HIVEP1: variants seen among roughly 807,000 people sequenced by gnomAD.
The protein encoded by HIVEP1 is zinc finger protein 40.
A neutral mutation model predicts 180.0 loss-of-function variants in HIVEP1; 36 were observed. The ratio of observed to expected loss-of-function variants is 0.20; its 90% CI spans 0.15 to 0.26. The LOEUF is 0.26. HIVEP1 is among the 10% of genes least tolerant of loss of function. The pLI, the probability that HIVEP1 is intolerant of heterozygous loss-of-function variation, is 1.00. For synonymous variants in HIVEP1, 1,239 were observed against 1,239.0 expected (o/e 1.00, Z 0.00); for missense variants, 3,143 against 3,268.7 (o/e 0.96, Z 0.94).
In HIVEP1 at chr6:12,123,182, C is replaced by G; in HGVS notation, c.3387C>G (p.His1129Gln). 3 of 1,614,184 alleles carry G rather than the reference C, an allele frequency of 1.9e-6. No individual in the cohort carries two copies. The highest frequency in any genetic ancestry group is 1.6e-4 in the Middle Eastern group (1 of 6,062). ...AAQDKIELQR[H>Q]GTGISVIQHT... is the part of the protein sequence containing the mutation. ...AGGACAAGATAGAACTGCAGAGACA[C>G]GGAACTGGAATCTCTGTCATCCAGC... The change falls in exon 4 of 9, where the codon CAC becomes CAG. Residue 1129 changes from histidine to glutamine, a missense_variant. Transcript: ENST00000379388.
At chr6:12,193,023 G>C in the HIVEP1 span, among the ~76,000 whole-genome samples, 1 of 152,188 alleles carries the variant, frequency 6.6e-6, no homozygotes, top group East Asian at 1.9e-4. Flanking sequence ...CTGCAAAATA[G>C]GGATAATAAT....
intron 7 of HIVEP1, among the ~76,000 whole-genome samples, chr6:12,139,953 C>T (rs762386108): frequency 5.3e-5 from 8 of 152,250 alleles, no homozygotes; most frequent in Non-Finnish European, 1.2e-4. Context: ...CAGGCTTAAA[C>T]ATTCCTGTCT....
At chr6:12,056,711 A>T (rs1324070853) in intron 2 of HIVEP1, among the ~76,000 whole-genome samples, 1 of 152,182 alleles carries the variant, frequency 6.6e-6, no homozygotes, top group African/African-American at 2.4e-5. Flanking sequence ...ACGCGACTTT[A>T]ATGGCAATGC....
At chr6:12,068,868 C>A (rs1009677078) in intron 2 of HIVEP1, among the ~76,000 whole-genome samples, 1 of 145,474 alleles carries the variant, frequency 6.9e-6, no homozygotes, top group Non-Finnish European at 1.5e-5. Context: ...AATACAGAAG[C>A]ATATACAATA....
intron 2 of HIVEP1, among the ~76,000 whole-genome samples, chr6:12,017,251 C>T (rs1290278010): frequency 6.6e-6 from 1 of 152,168 alleles, no homozygotes; most frequent in Non-Finnish European, 1.5e-5. Flanking sequence ...GGTTCTTGGT[C>T]TCACTGACTT....
chr6:12,025,695 G>T (rs1378993483), intron 2 of HIVEP1, among the ~76,000 whole-genome samples: 1 of 152,180 alleles, frequency 6.6e-6, no homozygotes, highest in Non-Finnish European at 1.5e-5. Flanking sequence ...GAAAAAGCAT[G>T]CTATTTTAGA....
chr6:12,035,447 A>C (rs943032262), intron 2 of HIVEP1, among the ~76,000 whole-genome samples: 3 of 152,204 alleles, frequency 2.0e-5, no homozygotes, highest in African/African-American at 7.2e-5. Context: ...GGACCCATTG[A>C]TAGGTGGGTC....
At position 12,163,916 on chromosome 6, in the gene HIVEP1, C is replaced by T; in HGVS notation, c.7612C>T (p.Gln2538Ter). The T allele has an allele frequency of 1.9e-6, 3 of 1,614,194 alleles. No homozygotes were observed. The highest frequency in any genetic ancestry group is 2.5e-6 in the Non-Finnish European group (3 of 1,180,032). Residue 2538 changes from glutamine to a stop codon, truncating the protein, a stop_gained, in exon 9 of 9, where the codon CAG becomes TAG. Transcript: ENST00000379388. LOFTEE classifies it low-confidence loss of function (END_TRUNC). Reference protein sequence around the residue: ...NPSSQSSPAPQAHIPGLQILN... With the variant: ...NPSSQSSPAP Reference sequence around the variant, plus strand: ...TTCATCACAAAGCAGCCCCGCCCCTCAGGCACACATTCCAGGTCTCCAGAT... The same window carrying T: ...TTCATCACAAAGCAGCCCCGCCCCTTAGGCACACATTCCAGGTCTCCAGAT...
At chr6:12,128,234 G>A (rs1011533709) in intron 4 of HIVEP1, among the ~76,000 whole-genome samples, 8 of 152,144 alleles carry the variant, frequency 5.3e-5, no homozygotes, top group Admixed American at 1.3e-4. Flanking sequence ...TAAATTATGC[G>A]GAAGCCAATC....
At chr6:12,037,381 G>T (rs1277653088) in intron 2 of HIVEP1, among the ~76,000 whole-genome samples, 1 of 152,190 alleles carries the variant, frequency 6.6e-6, no homozygotes, top group Non-Finnish European at 1.5e-5. Context: ...GTTTCTTCGT[G>T]TGTTTGCTAC....
At chr6:12,169,184 G>A (rs1039995361), downstream of HIVEP1, among the ~76,000 whole-genome samples, 4 of 152,054 alleles carry the variant, frequency 2.6e-5, no homozygotes, top group African/African-American at 7.2e-5. Context: ...ACTGTGCCCG[G>A]TAAATGCATT....
chr6:12,023,561 TGAAAAAGTTACTAGGAGC>T (rs1768390888), intron 2 of HIVEP1, among the ~76,000 whole-genome samples: 1 of 152,172 alleles, frequency 6.6e-6, no homozygotes, highest in South Asian at 2.1e-4. Flanking sequence ...TTAATATGGG[TGAAAAAGTTACTAGGAGC>T]GATCATGTAG....
chr6:12,089,184 A>G lies in HIVEP1; in HGVS notation c.41A>G (p.Asp14Gly). The G allele has an allele frequency of 6.6e-7, 1 of 1,525,424 alleles. No individual in the cohort carries two copies. Among genetic ancestry groups the G allele is most frequent in the Non-Finnish European group, 9.0e-7 (1 of 1,105,996 alleles). 94.5% of individuals were successfully genotyped at this position (1,525,424 alleles called of 1,614,324 possible). A position where few individuals can be genotyped will look rare whatever the true frequency, so the allele number is the denominator to read the frequency against. ...ATAAATTTTTCTCTGTTTTTCTTAG[A>G]CAAAATTGAAGAAGCACAAAAAGAA... is the stretch of plus-strand genomic sequence containing the variant. ...TKQIHPRNLRDKIEEAQKELN... is the reference protein window; with the variant it reads ...TKQIHPRNLRGKIEEAQKELN... The change falls in exon 3 of 9, where the codon GAC (aspartate) becomes GGC (glycine). Residue 14 changes from aspartate (D) to glycine (G), a missense_variant and splice_region_variant. Physicochemically the swap from Asp to Gly is moderately conservative, Grantham distance 94. Coordinates refer to ENST00000379388, the MANE Select transcript of HIVEP1 (RefSeq NM_002114.4).
In HIVEP1 at chr6:12,015,510, T is replaced by A. The variant is rs964065321; in HGVS notation, c.-103-16T>A. ...GAAGGTAGTAAAATGTGCTTCTCCG[T>A]TTTTTTCTTTTTCAGCACATGGATT... On this transcript the variant is annotated splice_polypyrimidine_tract_variant and intron_variant, in intron 1 of 8. Transcript: ENST00000379388. 3.7e-6 allele frequency: 3 copies of A among 810,616 alleles called. No homozygotes were observed. The highest frequency in any genetic ancestry group is 6.2e-6 in the Non-Finnish European group (3 of 484,206). 50.2% of individuals were successfully genotyped at this position (810,616 alleles called of 1,614,324 possible).
chr6:12,141,520 A>G (rs1244050064), intron 7 of HIVEP1, among the ~76,000 whole-genome samples: 1 of 151,974 alleles, frequency 6.6e-6, no homozygotes, highest in African/African-American at 2.4e-5. Flanking sequence ...ACATAACAAT[A>G]TTAACCTTTA....
chr6:12,205,419 C>G, the HIVEP1 span, among the ~76,000 whole-genome samples: 1 of 151,388 alleles, frequency 6.6e-6, no homozygotes, highest in Admixed American at 6.6e-5. Flanking sequence ...TGCAGTGAGC[C>G]GAGATTGCGC....
At chr6:12,071,610 A>G (rs1771971609) in intron 2 of HIVEP1, among the ~76,000 whole-genome samples, 1 of 152,214 alleles carries the variant, frequency 6.6e-6, no homozygotes. Flanking sequence ...CAGTTTTTCA[A>G]AAGATTTTCA....
At chr6:12,014,061 C>T (rs1378085320) in intron 1 of HIVEP1, among the ~76,000 whole-genome samples, 1 of 152,166 alleles carries the variant, frequency 6.6e-6, no homozygotes, top group African/African-American at 2.4e-5. Flanking sequence ...GTGTGACAGG[C>T]AAAGCGTCTA....
upstream of HIVEP1, among the ~76,000 whole-genome samples, chr6:12,009,026 G>C (rs1581469148): frequency 6.6e-6 from 1 of 151,644 alleles, no homozygotes. Flanking sequence ...AGCCCAGCGC[G>C]CGCGGAGGGC....
Sources: allele counts gnomAD v4.1 joint callset (sites outside exome capture counted in the v4.1 genomes callset), GRCh38; gene constraint gnomAD v4.1.1; transcripts MANE v1.5; gene names NCBI Gene and HGNC (gene_info 2026-07-23, HGNC 2026-07-21).